SLC35F3: variants seen among roughly 807,000 people sequenced by gnomAD.
SLC35F3 encodes solute carrier family 35 member F3.
SLC35F3 carries 25 observed loss-of-function variants against 49.9 expected under a neutral mutation model. The ratio of observed to expected loss-of-function variants is 0.50; its 90% CI spans 0.37 to 0.70. The LOEUF (loss-of-function observed/expected upper bound fraction) is 0.70, where lower values mean the gene tolerates loss of function less well. SLC35F3 is among the 30% of genes least tolerant of loss of function. SLC35F3 has a pLI of 0.00. For synonymous variants in SLC35F3, 275 were observed against 265.4 expected, an observed-to-expected ratio of 1.04 and a Z score of -0.35; for missense variants, 525 against 639.8, an observed-to-expected ratio of 0.82 and a Z score of 1.94.
chr1:233,943,176 C>T (rs971869757), intron 2 of SLC35F3, among the ~76,000 whole-genome samples: 1 of 152,168 alleles, frequency 6.6e-6, no homozygotes, highest in African/African-American at 2.4e-5. Context: ...CAATGGATAA[C>T]GCTCTGTGAC....
chr1:233,918,635 C>T (rs562876434), intron 2 of SLC35F3, among the ~76,000 whole-genome samples: 6 of 151,954 alleles, frequency 3.9e-5, no homozygotes, highest in Admixed American at 1.3e-4. Context: ...GGTGTAGTGG[C>T]GGGCACCTGT....
chr1:234,097,048 C>G (rs915611985), intron 2 of SLC35F3, among the ~76,000 whole-genome samples: 2 of 152,078 alleles, frequency 1.3e-5, no homozygotes, highest in African/African-American at 4.8e-5. Flanking sequence ...CGCCACCAGG[C>G]ATGGCTAATT....
At chr1:234,318,424 G>A (rs1657541122) in intron 5 of SLC35F3, among the ~76,000 whole-genome samples, 1 of 152,142 alleles carries the variant, frequency 6.6e-6, no homozygotes, top group South Asian at 2.1e-4. Context: ...CCCTTCCAGG[G>A]GTCTCTGAGA....
chr1:234,011,173 A>C (rs1445433170), intron 2 of SLC35F3, among the ~76,000 whole-genome samples: 2 of 152,230 alleles, frequency 1.3e-5, no homozygotes, highest in African/African-American at 4.8e-5. Flanking sequence ...ACAACAAGTA[A>C]GATAATTATT....
chr1:234,256,795 T>A (rs12029247), intron 3 of SLC35F3, among the ~76,000 whole-genome samples: 30,536 of 152,216 alleles, frequency 0.2, 4,250 homozygotes, highest in East Asian at 0.73. Context: ...CTGCTCCTAT[T>A]GCTTATTGAA....
intron 3 of SLC35F3, among the ~76,000 whole-genome samples, chr1:234,269,844 C>G (rs1040081207): frequency 6.6e-6 from 1 of 152,102 alleles, no homozygotes; most frequent in Non-Finnish European, 1.5e-5. Flanking sequence ...CTCTTGCTTC[C>G]CCTCTCACCA....
At chr1:234,304,189 T>G (rs975093867) in intron 3 of SLC35F3, among the ~76,000 whole-genome samples, 3 of 151,810 alleles carry the variant, frequency 2.0e-5, no homozygotes. Flanking sequence ...TGAGACAGAG[T>G]CTTGCTCTAT....
intron 2 of SLC35F3, among the ~76,000 whole-genome samples, chr1:234,217,848 G>A (rs1667146027): frequency 6.6e-6 from 1 of 151,978 alleles, no homozygotes; most frequent in African/African-American, 2.4e-5. Flanking sequence ...TATTCCTGAG[G>A]AACAGGCCTT....
At position 234,204,451 on chromosome 1, in the gene SLC35F3, C is replaced by T. The variant is rs141127853; in HGVS notation, c.284-26966C>T. ...TGATACACTCTGACATACACAAACC[C>T]AGCGTGATTCCCCTGCCAAGGACTC... On this transcript the variant is annotated intron_variant, in intron 2 of 7. Transcript: ENST00000366618. 2.7e-3 allele frequency among the ~76,000 whole-genome samples: 406 copies of T among 152,252 alleles called. 2 individuals carry two copies. The highest frequency in any genetic ancestry group is 8.5e-3 in the African/African-American group (354 of 41,546).
At chr1:234,304,834 G>A (rs1657101956) in intron 3 of SLC35F3, among the ~76,000 whole-genome samples, 1 of 151,984 alleles carries the variant, frequency 6.6e-6, no homozygotes, top group Non-Finnish European at 1.5e-5. Context: ...AGAAGAGTTG[G>A]AATATAAAGT....
At chr1:233,905,788 T>C in intron 2 of SLC35F3, 30 bp downstream of exon 2, 1 of 1,569,390 alleles carries the variant, frequency 6.4e-7, no homozygotes, top group Non-Finnish European at 8.7e-7. Context: ...TGTTTCCCGT[T>C]CACTGGTCCA....
At position 234,173,951 on chromosome 1, in the gene SLC35F3, G is replaced by A. The variant is rs375038536; in HGVS notation, c.284-57466G>A. ...TCTGGAGCCTGGGGAATGTGCCCATGTGTGCCCCACAGGACCCCTGTGTAC... is the reference window on the plus strand; with the variant it reads ...TCTGGAGCCTGGGGAATGTGCCCATATGTGCCCCACAGGACCCCTGTGTAC... On this transcript the variant is annotated intron_variant, in intron 2 of 7. Transcript: ENST00000366618. Among the ~76,000 whole-genome samples the A allele has an allele frequency of 3.9e-5, 6 of 152,324 alleles. No homozygotes were observed. The East Asian group carries it at 1.2e-3, about 29-fold the overall frequency.
intron 2 of SLC35F3, among the ~76,000 whole-genome samples, chr1:234,137,103 T>G (rs552951582): frequency 6.6e-6 from 1 of 152,294 alleles, no homozygotes; most frequent in South Asian, 2.1e-4. Flanking sequence ...AGGTAACCAA[T>G]CCAAATAACA....
intron 3 of SLC35F3, among the ~76,000 whole-genome samples, chr1:234,304,998 A>G (rs1657112050): frequency 6.6e-6 from 1 of 152,244 alleles, no homozygotes. Context: ...GGAGGAAATT[A>G]CAAAAGAAAT....
At chr1:234,291,038 A>C (rs1450192922) in intron 3 of SLC35F3, among the ~76,000 whole-genome samples, 1 of 152,152 alleles carries the variant, frequency 6.6e-6, no homozygotes, top group Non-Finnish European at 1.5e-5. Context: ...TTCACTGGAG[A>C]CGTGAAAAAG....
intron 2 of SLC35F3, among the ~76,000 whole-genome samples, chr1:234,140,002 A>AATAAAATAAATAATAAAAAAAT: frequency 9.5e-6 from 1 of 105,368 alleles, no homozygotes; most frequent in African/African-American, 3.1e-5. Flanking sequence ...AATAAAATAA[A>AATAAAATAAATAATAAAAAAAT]GTAAGTGACT....
chr1:234,163,620 T>A (rs1348605874), intron 2 of SLC35F3, among the ~76,000 whole-genome samples: 2 of 152,262 alleles, frequency 1.3e-5, no homozygotes, highest in Admixed American at 1.3e-4. Flanking sequence ...GTCCATTTGA[T>A]ATGAAACACT....
intron 2 of SLC35F3, among the ~76,000 whole-genome samples, chr1:234,059,677 T>C (rs938407657): frequency 7.1e-6 from 1 of 141,484 alleles, no homozygotes; most frequent in African/African-American, 2.8e-5. Flanking sequence ...GACATAGACA[T>C]AGACAGACAT....
intron 2 of SLC35F3, among the ~76,000 whole-genome samples, chr1:233,973,645 G>A (rs953691085): frequency 1.6e-4 from 25 of 152,312 alleles, no homozygotes; most frequent in South Asian, 8.3e-4. Flanking sequence ...AAGGCTAAGC[G>A]AGATGTATGC....
Sources: gnomAD v4.1 joint callset for allele counts (sites outside exome capture counted in the v4.1 genomes callset) on GRCh38, gnomAD v4.1.1 for gene constraint, MANE v1.5 for transcripts, NCBI Gene and HGNC (gene_info 2026-07-23, HGNC 2026-07-21) for gene names.